Variants in CSMD3 observed in about 807,000 individuals in gnomAD.
CSMD3 encodes the protein CUB and Sushi multiple domains 3.
A neutral mutation model predicts 435.2 loss-of-function variants in CSMD3; 177 were observed. The observed-to-expected ratio is 0.41, with a 90% CI of 0.36 to 0.46. The LOEUF (loss-of-function observed/expected upper bound fraction) is 0.46, where lower values mean the gene tolerates loss of function less well. Ranked by LOEUF, CSMD3 falls within the 20% of genes least tolerant of loss-of-function variation. The pLI, the probability that CSMD3 is intolerant of heterozygous loss-of-function variation, is 0.34. For missense variants in CSMD3, 4,265 were observed against 4,504.6 expected (o/e 0.95, Z 1.52); for synonymous variants, 1,656 against 1,520.5 (o/e 1.09, Z -2.07).
chr8:112,748,179 A>C (rs926084338), intron 13 of CSMD3, among the ~76,000 whole-genome samples: 5 of 152,170 alleles, frequency 3.3e-5, no homozygotes, highest in African/African-American at 1.2e-4. Flanking sequence ...GAGAAGAGAT[A>C]GAAAATCTGA....
chr8:113,220,769 G>T (rs1454156739), intron 3 of CSMD3, among the ~76,000 whole-genome samples: 1 of 151,274 alleles, frequency 6.6e-6, no homozygotes, highest in African/African-American at 2.4e-5. Context: ...TGCAAAGGGG[G>T]AAGTAACTAT....
chr8:113,197,717 TAC>T (rs1442453514), intron 3 of CSMD3, among the ~76,000 whole-genome samples: 1 of 151,290 alleles, frequency 6.6e-6, no homozygotes, highest in Non-Finnish European at 1.5e-5. Flanking sequence ...GATCTTATAG[TAC>T]AGAATATTTT....
chr8:112,444,053 T>C (rs1258470338), intron 32 of CSMD3, among the ~76,000 whole-genome samples: 1 of 152,208 alleles, frequency 6.6e-6, no homozygotes, highest in Non-Finnish European at 1.5e-5. Context: ...AGTAACTATT[T>C]TTGAATGCAT....
intron 12 of CSMD3, among the ~76,000 whole-genome samples, chr8:112,808,605 A>G (rs1472493375): frequency 6.6e-6 from 1 of 152,138 alleles, no homozygotes; most frequent in African/African-American, 2.4e-5. Flanking sequence ...TCCGGTTGAT[A>G]GCACCCAAAG....
chr8:112,491,731 T>C (rs1189390575), intron 31 of CSMD3, among the ~76,000 whole-genome samples: 1 of 152,174 alleles, frequency 6.6e-6, no homozygotes. Flanking sequence ...TAATTTAATT[T>C]TATTTGATTA....
intron 4 of CSMD3, among the ~76,000 whole-genome samples, chr8:113,117,992 T>G (rs2090886080): frequency 6.6e-6 from 1 of 152,166 alleles, no homozygotes; most frequent in Non-Finnish European, 1.5e-5. Flanking sequence ...TGTCACAGAT[T>G]AGACCTTGGA....
intron 27 of CSMD3, among the ~76,000 whole-genome samples, chr8:112,528,861 C>A (rs530148264): frequency 6.6e-6 from 1 of 152,030 alleles, no homozygotes; most frequent in Non-Finnish European, 1.5e-5. Context: ...ACATGTAGCA[C>A]CCCAACCATT....
At chr8:113,092,208 A>C (rs1238423321) in intron 5 of CSMD3, among the ~76,000 whole-genome samples, 1 of 152,064 alleles carries the variant, frequency 6.6e-6, no homozygotes, top group East Asian at 1.9e-4. Context: ...CTTTTTAGTT[A>C]TTGTATTTTT....
intron 12 of CSMD3, among the ~76,000 whole-genome samples, chr8:112,801,898 G>T (rs1351550600): frequency 2.0e-5 from 3 of 151,884 alleles, no homozygotes; most frequent in Non-Finnish European, 2.9e-5. Context: ...GTTTTTCTGG[G>T]AAAATTGAAG....
chr8:112,747,714 G>A (rs1297365795), intron 13 of CSMD3, among the ~76,000 whole-genome samples: 5 of 152,046 alleles, frequency 3.3e-5, no homozygotes, highest in Admixed American at 1.3e-4. Context: ...GGTGGCTCAC[G>A]CCTGTAATCC....
intron 32 of CSMD3, among the ~76,000 whole-genome samples, chr8:112,467,292 G>A (rs1169907518): frequency 2.0e-5 from 3 of 152,128 alleles, no homozygotes; most frequent in Admixed American, 2.0e-4. Flanking sequence ...AAAACTAGTC[G>A]GGAAAGAATA....
intron 35 of CSMD3, among the ~76,000 whole-genome samples, chr8:112,394,116 T>G (rs1383131593): frequency 6.6e-6 from 1 of 152,156 alleles, no homozygotes; most frequent in Non-Finnish European, 1.5e-5. Context: ...TCTTTCATCT[T>G]AGGGATTGTC....
intron 38 of CSMD3, among the ~76,000 whole-genome samples, chr8:112,378,124 G>A (rs1829123749): frequency 6.6e-6 from 1 of 151,732 alleles, no homozygotes; most frequent in African/African-American, 2.4e-5. Context: ...ACCACACTGA[G>A]GTGTCATCTT....
chr8:112,316,170 T>A (rs976458010), intron 47 of CSMD3, among the ~76,000 whole-genome samples: 1 of 151,784 alleles, frequency 6.6e-6, no homozygotes, highest in Non-Finnish European at 1.5e-5. Flanking sequence ...ACTGACTATA[T>A]AATAGAGTTT....
chr8:112,811,347 C>A (rs2079222211), intron 12 of CSMD3, among the ~76,000 whole-genome samples: 1 of 151,942 alleles, frequency 6.6e-6, no homozygotes, highest in Admixed American at 6.6e-5. Flanking sequence ...TATAGAAAAC[C>A]TAAAGTTGTA....
At chr8:112,683,138 A>G (rs2075937866) in intron 15 of CSMD3, among the ~76,000 whole-genome samples, 1 of 152,094 alleles carries the variant, frequency 6.6e-6, no homozygotes, top group African/African-American at 2.4e-5. Flanking sequence ...CTTTTTAAAT[A>G]ATTTTCCATG....
intron 22 of CSMD3, among the ~76,000 whole-genome samples, chr8:112,635,076 C>G (rs993250268): frequency 6.6e-6 from 1 of 151,870 alleles, no homozygotes; most frequent in African/African-American, 2.4e-5. Flanking sequence ...ATAATGTTAG[C>G]GTTTTATAAA....
intron 4 of CSMD3, among the ~76,000 whole-genome samples, chr8:113,137,176 G>C (rs1373378310): frequency 6.6e-6 from 1 of 151,622 alleles, no homozygotes; most frequent in East Asian, 1.9e-4. Flanking sequence ...CAAGTTCTCA[G>C]TTGTAATATC....
chr8:112,322,308 T>C (rs892691406), intron 45 of CSMD3, among the ~76,000 whole-genome samples: 2 of 152,004 alleles, frequency 1.3e-5, no homozygotes, highest in Non-Finnish European at 2.9e-5. Flanking sequence ...AGATCAAAGG[T>C]TGTAATTTTT....
Sources: allele counts gnomAD v4.1 joint callset (sites outside exome capture counted in the v4.1 genomes callset), GRCh38; gene constraint gnomAD v4.1.1; transcripts MANE v1.5; gene names NCBI Gene and HGNC (gene_info 2026-07-23, HGNC 2026-07-21).